The following PDIA5 variants were observed in gnomAD, a reference collection of about 807,000 sequenced individuals.
PDIA5 encodes the protein protein disulfide-isomerase A5.
Under a neutral mutation model 77.6 loss-of-function variants are expected in PDIA5, and 58 were observed. That is an observed-to-expected ratio of 0.75 (90% CI 0.61 to 0.93). The LOEUF is 0.93. PDIA5 is among the 40% of genes least tolerant of loss of function. The pLI is 0.00. For missense variants in PDIA5, 630 were observed against 647.7 expected (o/e 0.97, Z 0.30); for synonymous variants, 250 against 252.1 (o/e 0.99, Z 0.08).
intron 11 of PDIA5, among the ~76,000 whole-genome samples, chr3:123,132,187 G>C (rs2667457): frequency 0.7 from 106,660 of 151,936 alleles, 38,558 homozygotes; most frequent in Non-Finnish European, 0.8. Context: ...CCACGGCTCC[G>C]TGAGTCCTGA....
chr3:123,126,524 C>A (rs778456111), intron 10 of PDIA5, among the ~76,000 whole-genome samples: 2 of 151,766 alleles, frequency 1.3e-5, no homozygotes, highest in African/African-American at 2.4e-5. Flanking sequence ...AGTCCTCCCC[C>A]ACCCTATTAC....
At chr3:123,084,829 G>C (rs1353186879) in intron 1 of PDIA5, among the ~76,000 whole-genome samples, 1 of 152,026 alleles carries the variant, frequency 6.6e-6, no homozygotes, top group African/African-American at 2.4e-5. Flanking sequence ...CTCTCCACGC[G>C]GGCAGCCACC....
At chr3:123,142,406 A>G (rs959750588) in intron 11 of PDIA5, among the ~76,000 whole-genome samples, 7 of 152,248 alleles carry the variant, frequency 4.6e-5, no homozygotes, top group African/African-American at 1.7e-4. Context: ...TTGTGACTGG[A>G]TTATTTAGGT....
At chr3:123,141,209 C>G (rs1405209190) in intron 11 of PDIA5, among the ~76,000 whole-genome samples, 1 of 152,234 alleles carries the variant, frequency 6.6e-6, no homozygotes, top group Non-Finnish European at 1.5e-5. Context: ...GATTCCTACT[C>G]CAGTCCCACT....
At chr3:123,115,145 T>G (rs1237364531) in intron 7 of PDIA5, among the ~76,000 whole-genome samples, 2 of 152,284 alleles carry the variant, frequency 1.3e-5, no homozygotes, top group South Asian at 4.1e-4. Flanking sequence ...GCCTGACACA[T>G]GGTTCCAGGC....
At chr3:123,148,150 C>G (rs1935810453) in intron 13 of PDIA5, among the ~76,000 whole-genome samples, 1 of 152,218 alleles carries the variant, frequency 6.6e-6, no homozygotes. Flanking sequence ...TCTTTGATGC[C>G]TCTAAGCCCC....
chr3:123,152,011 TCCTTCCTG>T lies in PDIA5; in HGVS notation c.1273+1655_1273+1662del, dbSNP rs1280879761. 3.8e-5 allele frequency among the ~76,000 whole-genome samples: 5 copies of T among 130,826 alleles called. 1 individual carries two copies. The highest frequency in any genetic ancestry group is 1.7e-4 in the African/African-American group (5 of 29,756). 85.8% of individuals were successfully genotyped at this position (130,826 alleles called of 152,430 possible). On this transcript the variant is annotated intron_variant, in intron 14 of 16. Transcript: ENST00000316218. The stretch of plus-strand genomic sequence containing the variant: ...TGCCTTCCTGCCTTCCTTCCTTCCT[TCCTTCCTG>T]CCTTCCTTCCTGCCTGCCTTCCTTC...
At chr3:123,148,806 C>T (rs1027089976) in intron 13 of PDIA5, among the ~76,000 whole-genome samples, 4 of 152,080 alleles carry the variant, frequency 2.6e-5, no homozygotes, top group Admixed American at 6.5e-5. Flanking sequence ...GTAGTTCTTC[C>T]GGGAACTTGG....
At chr3:123,149,310 A>C (rs966791262) in intron 13 of PDIA5, among the ~76,000 whole-genome samples, 1 of 152,246 alleles carries the variant, frequency 6.6e-6, no homozygotes, top group African/African-American at 2.4e-5. Context: ...CACTGGAGCC[A>C]TGCAGAGGAA....
In PDIA5 at chr3:123,133,972, C is replaced by G. The variant is rs1347359933; in HGVS notation, c.910+3356C>G. ...CTTTCTTTGCAGTGTTGTTTGTTTT[C>G]TTTTCTTTTCTTTTCCTTTTCTTTT... On this transcript the variant is annotated intron_variant, in intron 11 of 16. Transcript: ENST00000316218. Among the ~76,000 whole-genome samples, 8 of 149,174 alleles carry G rather than the reference C, an allele frequency of 5.4e-5. 1 individual carries two copies. The South Asian group carries it at 6.4e-4, about 12-fold the overall frequency.
chr3:123,067,204 T>A lies in PDIA5; in HGVS notation c.40T>A (p.Trp14Arg). 8.0e-7 allele frequency: 1 copy of A among 1,246,960 alleles called. No individual in the cohort carries two copies. Among genetic ancestry groups the A allele is most frequent in the Non-Finnish European group, 1.0e-6 (1 of 989,650 alleles). The allele number at this position is 1,246,960 out of a possible 1,614,324, so 77.2% of individuals were successfully genotyped here. ...AGPAWLLLAI[W>R]VVLPSWLSSA... is the part of the protein sequence containing the mutation. ...GCCGGCGTGGCTGCTGCTGGCAATCTGGGTGAGACTGTGGGGCAGGGATCC... is the reference window on the plus strand; with the variant it reads ...GCCGGCGTGGCTGCTGCTGGCAATCAGGGTGAGACTGTGGGGCAGGGATCC... Residue 14 changes from tryptophan to arginine, a missense_variant and splice_region_variant, in exon 1 of 17, where the codon TGG becomes AGG. Trp to Arg is a moderately radical substitution (Grantham distance 101, BLOSUM62 -3). Coordinates refer to ENST00000316218, the MANE Select transcript of PDIA5 (RefSeq NM_006810.4).
chr3:123,125,565 G>C (rs912464792), intron 10 of PDIA5, among the ~76,000 whole-genome samples: 1 of 152,142 alleles, frequency 6.6e-6, no homozygotes, highest in Admixed American at 6.5e-5. Flanking sequence ...TAGGAACACA[G>C]TGTGCAAACC....
At chr3:123,161,722 C>T in intron 16 of PDIA5, 158 bp from the exon 17 acceptor site, 2 of 681,314 alleles carry the variant, frequency 2.9e-6, no homozygotes, top group Non-Finnish European at 5.1e-6. Flanking sequence ...GGGGCTGGTG[C>T]AAGCCACGCA....
intron 1 of PDIA5, among the ~76,000 whole-genome samples, chr3:123,087,041 A>G (rs1378356702): frequency 6.6e-6 from 1 of 152,164 alleles, no homozygotes; most frequent in Non-Finnish European, 1.5e-5. Flanking sequence ...TGAAATGGTT[A>G]GGGTCTCCCC....
At chr3:123,147,112 A>T (rs1395315587) in intron 13 of PDIA5, among the ~76,000 whole-genome samples, 2 of 152,002 alleles carry the variant, frequency 1.3e-5, no homozygotes. Flanking sequence ...TGTGCAGCCT[A>T]TTTTCTTACA....
rs1245180232 is a variant in PDIA5 at position 123,155,011 on chromosome 3, T to A, written c.1314T>A (p.Ala438=). The A allele has an allele frequency of 6.8e-6, 11 of 1,612,588 alleles. No homozygotes were observed. The highest frequency in any genetic ancestry group is 9.3e-6 in the Non-Finnish European group (11 of 1,178,566). Residue 438 remains alanine, a synonymous_variant, in exon 15 of 17, where the codon GCT becomes GCA. Coordinates refer to ENST00000316218, the MANE Select transcript of PDIA5 (RefSeq NM_006810.4). The part of the protein sequence containing the change: ...HCKKVIPHFT[A]TADAFKDDRK... ...AGAAGGTCATTCCGCACTTTACTGC[T>A]ACTGCTGATGCCTTCAAAGATGACC...
At chr3:123,100,742 G>A (rs540772296) in intron 3 of PDIA5, among the ~76,000 whole-genome samples, 15 of 152,340 alleles carry the variant, frequency 9.8e-5, no homozygotes, top group East Asian at 9.6e-4. Flanking sequence ...GAGGTCCTTC[G>A]TTTTTTACAT....
chr3:123,157,012 C>T (rs982500543), intron 15 of PDIA5, among the ~76,000 whole-genome samples: 8 of 152,210 alleles, frequency 5.3e-5, no homozygotes, highest in South Asian at 2.1e-4. Flanking sequence ...TGCTCCCCTC[C>T]GCTTAGACAC....
chr3:123,101,885 C>T (rs2717232), intron 3 of PDIA5, among the ~76,000 whole-genome samples: 101,041 of 143,824 alleles, frequency 0.7, 35,748 homozygotes, highest in Non-Finnish European at 0.74. Flanking sequence ...TGCTTTTCCC[C>T]TTCCTTTCCT....
Sources: allele counts gnomAD v4.1 joint callset (sites outside exome capture counted in the v4.1 genomes callset), GRCh38; gene constraint gnomAD v4.1.1; transcripts MANE v1.5; gene names NCBI Gene and HGNC (gene_info 2026-07-23, HGNC 2026-07-21).